The following AAMP variants were observed in gnomAD, a reference collection of about 807,000 sequenced individuals.
AAMP encodes angio-associated migratory cell protein.
A neutral mutation model predicts 51.1 loss-of-function variants in AAMP; 12 were observed. The ratio of observed to expected loss-of-function variants is 0.23; its 90% CI spans 0.15 to 0.38. AAMP has a LOEUF of 0.38. Among genes scored for constraint, AAMP ranks in the 10% least tolerant of loss-of-function variants. The pLI is 1.00. For synonymous variants in AAMP, 210 were observed against 218.7 expected (o/e 0.96, Z 0.35); for missense variants, 418 against 557.2 (o/e 0.75, Z 2.52).
rs910579551 is a variant in AAMP at position 218,266,868 on chromosome 2, G to A, written c.513C>T (p.Ser171=). Residue 171 remains serine, a synonymous_variant, in exon 4 of 11, where the codon TCC becomes TCT. Coordinates refer to ENST00000248450, the MANE Select transcript of AAMP (RefSeq NM_001087.5). This position sits in a 1 kb window ranked among gnomAD's most constrained non-coding sequence, Gnocchi z 4.7. ...WQVDTKEEVW[S]FEAGDLEWME... ...TTACCTCCAGGTCTCCCGCTTCAAA[G>A]GACCAGACCTCCTCCTTAGTGTCCA... is the stretch of plus-strand genomic sequence containing the variant. 4 of 1,614,044 alleles carry A rather than the reference G, an allele frequency of 2.5e-6. No homozygotes were observed. In the African/African-American group the frequency reaches 5.3e-5, roughly 22 times the overall value.
At position 218,266,197 on chromosome 2, in the gene AAMP, C is replaced by T. The variant is rs775271306; in HGVS notation, c.680-50G>A. 14 of 1,539,590 alleles carry T rather than the reference C, an allele frequency of 9.1e-6. No homozygotes were observed. Among genetic ancestry groups the T allele is most frequent in the African/African-American group, 1.4e-5 (1 of 73,398 alleles). ...AGGGCAGAGGGCACGCTCACATACA[C>T]TAAGCAAGGGAATGGGGAGAGGGAG... On this transcript the variant is annotated intron_variant, in intron 5 of 10. Transcript: ENST00000248450. The surrounding 1 kb of genome is among the most constrained non-coding windows in gnomAD (Gnocchi z 4.7).
chr2:218,264,498 C>G lies in AAMP; in HGVS notation c.*35G>C. On this transcript the variant is annotated 3_prime_UTR_variant, in exon 11 of 11. Coordinates refer to ENST00000248450, the MANE Select transcript of AAMP (RefSeq NM_001087.5). ...ACAGGGGCAGGGGTCCCTTCGTCCC[C>G]TCAACACCAGACACACAGGCAGGGG... The G allele has an allele frequency of 6.2e-7, 1 of 1,605,050 alleles. No individual in the cohort carries two copies. Among genetic ancestry groups the G allele is most frequent in the Non-Finnish European group, 8.5e-7 (1 of 1,171,792 alleles).
At position 218,265,749 on chromosome 2, in the gene AAMP, G is replaced by A. The variant is rs1690610948; in HGVS notation, c.880-67C>T. On this transcript the variant is annotated intron_variant, in intron 7 of 10. Transcript: ENST00000248450. The surrounding 1 kb of genome is among the most constrained non-coding windows in gnomAD (Gnocchi z 6.6). ...TGCTTGATGGAGAGAAAGACGGTGGGGAGAGGAGACAGTGAAGACCCAGGA... is the reference window on the plus strand; with the variant it reads ...TGCTTGATGGAGAGAAAGACGGTGGAGAGAGGAGACAGTGAAGACCCAGGA... The A allele has an allele frequency of 5.1e-6, 8 of 1,576,558 alleles. No individual in the cohort carries two copies. The highest frequency in any genetic ancestry group is 1.1e-5 in the South Asian group (1 of 90,356).
At position 218,265,733 on chromosome 2, in the gene AAMP, G is replaced by A; in HGVS notation, c.880-51C>T. 3 of 1,589,326 alleles carry A rather than the reference G, an allele frequency of 1.9e-6. No homozygotes were observed. The highest frequency in any genetic ancestry group is 2.6e-6 in the Non-Finnish European group (3 of 1,160,648). On this transcript the variant is annotated intron_variant, in intron 7 of 10. Transcript: ENST00000248450. This position sits in a 1 kb window ranked among gnomAD's most constrained non-coding sequence, Gnocchi z 6.6. ...GGACACGGAATCCGGGTGCTTGATG[G>A]AGAGAAAGACGGTGGGGAGAGGAGA...
At position 218,266,542 on chromosome 2, in the gene AAMP, C is replaced by A. The variant is rs754411183; in HGVS notation, c.580G>T (p.Ala194Ser). Residue 194 changes from alanine to serine, a missense_variant, in exon 5 of 11, where the codon GCT (alanine) becomes TCT (serine). Ala to Ser is a moderately conservative substitution (Grantham distance 99, BLOSUM62 1). Transcript: ENST00000248450. The surrounding 1 kb of genome is among the most constrained non-coding windows in gnomAD (Gnocchi z 4.7). ...TTCCACATCCAGGTGTTGCCGTCAGCTGTGCCCGCCAACAGGACAGGTGCC... is the reference window on the plus strand; with the variant it reads ...TTCCACATCCAGGTGTTGCCGTCAGATGTGCCCGCCAACAGGACAGGTGCC... ...PRAPVLLAGT[A>S]DGNTWMWKVP... 3.1e-6 allele frequency: 5 copies of A among 1,613,680 alleles called. No homozygotes were observed. In the South Asian group the frequency reaches 5.5e-5, roughly 18 times the overall value.
intron 1 of AAMP, 177 bp downstream of exon 1, chr2:218,269,788 GA>G: frequency 1.8e-6 from 2 of 1,099,248 alleles, no homozygotes; most frequent in Non-Finnish European, 1.3e-6. Flanking sequence ...AGGCGTCAGG[GA>G]ACCCCCACCC....
chr2:218,269,567 C>T (rs766181947), intron 1 of AAMP, 33 bp from the exon 2 acceptor site: 11 of 1,613,922 alleles, frequency 6.8e-6, no homozygotes, highest in Non-Finnish European at 8.5e-6. Flanking sequence ...AGATGGGGCT[C>T]GGGAGGCGGT....
At position 218,265,272 on chromosome 2, in the gene AAMP, C is replaced by A; in HGVS notation, c.1075-98G>T. The stretch of plus-strand genomic sequence containing the variant: ...AAGAGGGACAGCCACACACAAGGGC[C>A]AGGCAGGAGCCAGATCTGGGGTAGA... On this transcript the variant is annotated intron_variant, in intron 9 of 10. Transcript: ENST00000248450. The surrounding 1 kb of genome is among the most constrained non-coding windows in gnomAD (Gnocchi z 6.6). 2 of 1,552,068 alleles carry A rather than the reference C, an allele frequency of 1.3e-6. No homozygotes were observed. The highest frequency in any genetic ancestry group is 2.4e-5 in the East Asian group (1 of 42,524).
intron 1 of AAMP, 46 bp downstream of exon 1, chr2:218,269,920 G>C (rs1222602882): frequency 1.2e-6 from 2 of 1,612,770 alleles, no homozygotes; most frequent in African/African-American, 2.7e-5. Context: ...CAGAGGCCAG[G>C]GGTGAGCGTC....
At chr2:218,268,463 G>A (rs989430944) in intron 2 of AAMP, among the ~76,000 whole-genome samples, 2 of 150,592 alleles carry the variant, frequency 1.3e-5, no homozygotes, top group East Asian at 2.0e-4. Flanking sequence ...CTCAGCCTCC[G>A]GAGTAGCTGG....
rs1372860634 is a variant in AAMP at position 218,266,574 on chromosome 2, T to C, written c.548A>G (p.His183Arg). ...CGCCAACAGGACAGGTGCCCGAGGA[T>C]GCCACTCCATCCACTGGACAGGGAG... ...EAGDLEWMEW[H>R]PRAPVLLAGT... is the part of the protein sequence containing the mutation. The change falls in exon 5 of 11, where the codon CAT (histidine) becomes CGT (arginine). Residue 183 changes from histidine to arginine, a missense_variant. Physicochemically the swap from His to Arg is conservative, Grantham distance 29. Transcript: ENST00000248450. The surrounding 1 kb of genome is among the most constrained non-coding windows in gnomAD (Gnocchi z 4.7). 1 of 1,613,142 alleles carries C rather than the reference T, an allele frequency of 6.2e-7. No individual in the cohort carries two copies. The highest frequency in any genetic ancestry group is 1.7e-5 in the Admixed American group (1 of 59,998).
rs765982946 is a variant in AAMP at position 218,269,459 on chromosome 2, A to C, written c.197T>G (p.Val66Gly). The C allele has an allele frequency of 6.2e-7, 1 of 1,613,956 alleles. No homozygotes were observed. The highest frequency in any genetic ancestry group is 1.1e-5 in the South Asian group (1 of 91,052). Residue 66 changes from valine to glycine, a missense_variant, in exon 2 of 11, where the codon GTT becomes GGT. Coordinates refer to ENST00000248450, the MANE Select transcript of AAMP (RefSeq NM_001087.5). ...EEEEGNEEGWVLEPQEGVVGS... is the reference protein window; with the variant it reads ...EEEEGNEEGWGLEPQEGVVGS... ...GACCACCCCTTCCTGGGGTTCTAGAACCCAGCCCTCTTCGTTGCCCTCTTC... is the reference window on the plus strand; with the variant it reads ...GACCACCCCTTCCTGGGGTTCTAGACCCCAGCCCTCTTCGTTGCCCTCTTC...
chr2:218,264,640 T>G, intron 10 of AAMP, 32 bp from the exon 11 acceptor site: 2 of 1,604,136 alleles, frequency 1.2e-6, no homozygotes, highest in Non-Finnish European at 1.7e-6. Context: ...TTGCAGAGAC[T>G]GGGGGACCCA....
chr2:218,269,701 G>C lies in AAMP; in HGVS notation c.122-167C>G, dbSNP rs375344016. 356 of 1,228,390 alleles carry C rather than the reference G, an allele frequency of 2.9e-4. 2 individuals are homozygous for C. The African/African-American group carries it at 4.8e-3, about 17-fold the overall frequency. The allele number at this position is 1,228,390 out of a possible 1,614,324, so 76.1% of individuals were successfully genotyped here. A position where few individuals can be genotyped will look rare whatever the true frequency, so the allele number is the denominator to read the frequency against. ...CGCGGGACACAGGACGGGAGGCCACGGCTGGCCAGAGACCGTGCGGTAAGG... is the reference window on the plus strand; with the variant it reads ...CGCGGGACACAGGACGGGAGGCCACCGCTGGCCAGAGACCGTGCGGTAAGG... On this transcript the variant is annotated intron_variant, in intron 1 of 10. Coordinates refer to ENST00000248450, the MANE Select transcript of AAMP (RefSeq NM_001087.5).
At position 218,267,138 on chromosome 2, in the gene AAMP, T is replaced by A. The variant is rs1690653863; in HGVS notation, c.395-152A>T. ...AACAGGTGCTGGAACTCACCACCACTCTAGGAACCAATACTCCCATGTCTG... is the reference window on the plus strand; with the variant it reads ...AACAGGTGCTGGAACTCACCACCACACTAGGAACCAATACTCCCATGTCTG... On this transcript the variant is annotated intron_variant, in intron 3 of 10. Coordinates refer to ENST00000248450, the MANE Select transcript of AAMP (RefSeq NM_001087.5). This position sits in a 1 kb window ranked among gnomAD's most constrained non-coding sequence, Gnocchi z 4.6. The A allele has an allele frequency of 1.1e-6, 1 of 892,728 alleles. No homozygotes were observed. Among genetic ancestry groups the A allele is most frequent in the Admixed American group, 2.8e-5 (1 of 36,044 alleles). 55.3% of individuals were successfully genotyped at this position (892,728 alleles called of 1,614,324 possible). A position where few individuals can be genotyped will look rare whatever the true frequency, so the allele number is the denominator to read the frequency against.
Position 218,265,526 on chromosome 2 carries a change from C to A in AAMP, c.983+53G>T. ...GGACTCACACGCCCTGCCGTCCTCC[C>A]GGGCCCCCAGCCCAGGCCCCTCCCA... On this transcript the variant is annotated intron_variant, in intron 8 of 10. Coordinates refer to ENST00000248450, the MANE Select transcript of AAMP (RefSeq NM_001087.5). The surrounding 1 kb of genome is among the most constrained non-coding windows in gnomAD (Gnocchi z 6.6). 3 of 1,585,288 alleles carry A rather than the reference C, an allele frequency of 1.9e-6. No homozygotes were observed. Among genetic ancestry groups the A allele is most frequent in the East Asian group, 2.2e-5 (1 of 44,614 alleles).
Position 218,265,984 on chromosome 2 carries a change from A to T in AAMP, c.764-38T>A, listed in dbSNP as rs753649166. The T allele has an allele frequency of 1.9e-6, 3 of 1,607,676 alleles. No individual in the cohort carries two copies. The highest frequency in any genetic ancestry group is 2.6e-6 in the Non-Finnish European group (3 of 1,174,642). On this transcript the variant is annotated intron_variant, in intron 6 of 10. Transcript: ENST00000248450. The surrounding 1 kb of genome is among the most constrained non-coding windows in gnomAD (Gnocchi z 6.6). The stretch of plus-strand genomic sequence containing the variant: ...AGGGAGGCAGCTCAGGCTTCGTCCT[A>T]CCTCCCCTCTGAGTCCTGCCCCAGG...
Position 218,267,689 on chromosome 2 carries a change from A to AC in AAMP, c.275-77dup. ...CTCTGTCCTTCACAATCTTCAGGAA[A>AC]CCCACCCCCTTTCACCCAAAGCGTG... is the stretch of plus-strand genomic sequence containing the variant. On this transcript the variant is annotated intron_variant, in intron 2 of 10. Coordinates refer to ENST00000248450, the MANE Select transcript of AAMP (RefSeq NM_001087.5). The surrounding 1 kb of genome is among the most constrained non-coding windows in gnomAD (Gnocchi z 4.6). 1 of 1,572,798 alleles carries AC rather than the reference A, an allele frequency of 6.4e-7. No homozygotes were observed. Among genetic ancestry groups the AC allele is most frequent in the Non-Finnish European group, 8.7e-7 (1 of 1,147,778 alleles).
At chr2:218,269,716 G>C in intron 1 of AAMP, 182 bp from the exon 2 acceptor site, 1 of 1,133,972 alleles carries the variant, frequency 8.8e-7, no homozygotes, top group Non-Finnish European at 1.3e-6. Flanking sequence ...GCCAGAGACC[G>C]TGCGGTAAGG....
Sources: allele counts gnomAD v4.1 joint callset (sites outside exome capture counted in the v4.1 genomes callset), GRCh38; gene constraint gnomAD v4.1.1; non-coding constraint Gnocchi (gnomAD v3.1); transcripts MANE v1.5; gene names NCBI Gene and HGNC (gene_info 2026-07-23, HGNC 2026-07-21).